LRGUK: variants seen among roughly 807,000 people sequenced by gnomAD.
The protein encoded by LRGUK is leucine-rich repeat and guanylate kinase domain-containing protein.
Under a neutral mutation model 76.0 loss-of-function variants are expected in LRGUK, and 65 were observed. The observed-to-expected ratio is 0.85, with a 90% CI of 0.70 to 1.05. LRGUK has a LOEUF of 1.05. Ranked by LOEUF, LRGUK falls within the 50% of genes least tolerant of loss-of-function variation. The pLI is 0.00. For synonymous variants in LRGUK, 268 were observed against 265.6 expected (o/e 1.01, Z -0.09); for missense variants, 758 against 732.8 (o/e 1.03, Z -0.40).
chr7:134,243,733 C>T (rs1310482539), intron 16 of LRGUK, among the ~76,000 whole-genome samples: 9 of 151,270 alleles, frequency 5.9e-5, no homozygotes, highest in East Asian at 3.9e-4. Flanking sequence ...AAAAAGAGCC[C>T]GCATTGCCAA....
rs141265624 is a variant in LRGUK, at chr7:134,209,390, C to T, written c.2527C>T (p.Gln843Ter). The change falls in exon 16 of 16, where the codon CAA (glutamine) becomes TAA (stop). Residue 843 changes from glutamine to a stop codon, truncating the protein, a stop_gained. Coordinates refer to ENST00000645682, the Ensembl canonical transcript of LRGUK. LOFTEE classifies it low-confidence loss of function (END_TRUNC). The stretch of plus-strand genomic sequence containing the variant: ...GCAGAAACTTGCTGGCGATTCTCAG[C>T]AAGCTCTGAAGGAGGAAACCTCCAA... The T allele has an allele frequency of 2.3e-3, 924 of 399,178 alleles. 3 individuals are homozygous for T. The highest frequency in any genetic ancestry group is 0.017 in the African/African-American group (834 of 48,748). 24.7% of individuals were successfully genotyped at this position (399,178 alleles called of 1,614,324 possible).
exon 14 of LRGUK, chr7:134,199,322 T>G: frequency 6.2e-7 from 1 of 1,613,904 alleles, no homozygotes; most frequent in Non-Finnish European, 8.5e-7. Flanking sequence ...AAAAGGATTA[T>G]TCAGTCGTGC....
At chr7:134,220,002 G>A (rs956350770) in intron 15 of LRGUK, among the ~76,000 whole-genome samples, 9 of 151,890 alleles carry the variant, frequency 5.9e-5, no homozygotes, top group Non-Finnish European at 1.3e-4. Context: ...TTATTTGTCC[G>A]ACTCCAATAT....
intron 16 of LRGUK, among the ~76,000 whole-genome samples, chr7:134,224,106 C>T (rs1316730391): frequency 1.3e-5 from 2 of 152,176 alleles, no homozygotes; most frequent in Non-Finnish European, 2.9e-5. Context: ...GGTATTCCAG[C>T]CTTCTTGGAT....
chr7:134,151,715 A>T (rs1257316437), intron 5 of LRGUK, among the ~76,000 whole-genome samples: 1 of 152,244 alleles, frequency 6.6e-6, no homozygotes, highest in East Asian at 1.9e-4. Flanking sequence ...TCAGGAATGT[A>T]TGGAGAGTTT....
downstream of LRGUK, among the ~76,000 whole-genome samples, chr7:134,265,662 C>T (rs1252078607): frequency 6.6e-6 from 1 of 152,138 alleles, no homozygotes; most frequent in African/African-American, 2.4e-5. Context: ...CCTCTTCTGG[C>T]TGTAACAAGG....
intron 1 of LRGUK, among the ~76,000 whole-genome samples, chr7:134,132,265 G>A (rs1430415191): frequency 1.3e-5 from 2 of 152,164 alleles, no homozygotes; most frequent in Non-Finnish European, 2.9e-5. Context: ...TGAGGCAAAA[G>A]GATCACTCGA....
At chr7:134,263,606 T>C (rs186358919) in intron 19 of LRGUK, among the ~76,000 whole-genome samples, 1 of 151,280 alleles carries the variant, frequency 6.6e-6, no homozygotes, top group African/African-American at 2.4e-5. Context: ...TTATTCTTCC[T>C]TGAATGTCAT....
intron 16 of LRGUK, among the ~76,000 whole-genome samples, chr7:134,243,452 T>C (rs547047652): frequency 6.6e-6 from 1 of 152,098 alleles, no homozygotes; most frequent in African/African-American, 2.4e-5. Flanking sequence ...CCATTCGCAA[T>C]TGCTTCAAAG....
intron 19 of LRGUK, 66 bp downstream of exon 19, chr7:134,258,471 A>C: frequency 6.9e-7 from 1 of 1,454,404 alleles, no homozygotes; most frequent in Non-Finnish European, 9.4e-7. Context: ...GCCGAGGCGA[A>C]TGGATCTCCT....
chr7:134,240,903 A>C lies in LRGUK; in HGVS notation c.1984-6653A>C, dbSNP rs374505820. 2.6e-5 allele frequency among the ~76,000 whole-genome samples: 4 copies of C among 152,222 alleles called. No homozygotes were observed. In the East Asian group the frequency reaches 7.7e-4, roughly 29 times the overall value. On this transcript the variant is annotated intron_variant, in intron 16 of 19. Transcript: ENST00000285928. Reference sequence around the variant, plus strand: ...AAGAGAGTGGGGGCCAATATTCAACATTCTTAAAGAAAAGAATTTTCAACC... The same window carrying C: ...AAGAGAGTGGGGGCCAATATTCAACCTTCTTAAAGAAAAGAATTTTCAACC...
At chr7:134,165,822 G>C (rs1798955302) in intron 7 of LRGUK, among the ~76,000 whole-genome samples, 1 of 152,126 alleles carries the variant, frequency 6.6e-6, no homozygotes, top group Non-Finnish European at 1.5e-5. Context: ...ATAGTATGTT[G>C]TTCTCTTCCA....
At chr7:134,178,933 A>AAAAAAAAAAAAAAAAAACC (rs1228638281) in intron 10 of LRGUK, among the ~76,000 whole-genome samples, 453 of 13,606 alleles carry the variant, frequency 0.033, 6 homozygotes, top group African/African-American at 0.11. Context: ...TCTCAAAAAA[A>AAAAAAAAAAAAAAAAAACC]AAAAAAAAAA....
chr7:134,249,433 G>A lies in LRGUK; in HGVS notation c.2198+357G>A, dbSNP rs1055780989. On this transcript the variant is annotated intron_variant, in intron 18 of 19. Transcript: ENST00000285928. ...AATGATGTTCTGCTAATCTCTTCCT[G>A]TACTGTGATTCGGCTGTGTTCTTGG... is the stretch of plus-strand genomic sequence containing the variant. Among the ~76,000 whole-genome samples, 5 of 152,164 alleles carry A rather than the reference G, an allele frequency of 3.3e-5. No homozygotes were observed. The East Asian group carries it at 9.6e-4, about 29-fold the overall frequency.
In LRGUK at chr7:134,220,196, G is replaced by A. The variant is rs541928460; in HGVS notation, c.1844-1583G>A. Among the ~76,000 whole-genome samples, 27 of 152,278 alleles carry A rather than the reference G, an allele frequency of 1.8e-4. No homozygotes were observed. In the South Asian group the frequency reaches 5.4e-3, roughly 30 times the overall value. ...TTTTGTCACTTTGTGATTAAACACA[G>A]TTTCTTTAATATTCCTTTCTATATT... On this transcript the variant is annotated intron_variant, in intron 15 of 19. Transcript: ENST00000285928.
At chr7:134,262,416 C>A (rs1449350649) in intron 19 of LRGUK, among the ~76,000 whole-genome samples, 5 of 152,214 alleles carry the variant, frequency 3.3e-5, no homozygotes, top group Admixed American at 3.3e-4. Context: ...GTTTGTAAAC[C>A]TTTATTCCTA....
In LRGUK at chr7:134,197,017, A is replaced by T. The variant is rs201225836; in HGVS notation, c.1457A>T (p.Tyr486Phe). 27 of 1,603,056 alleles carry T rather than the reference A, an allele frequency of 1.7e-5. No individual in the cohort carries two copies. In the East Asian group the frequency reaches 2.0e-4, roughly 12 times the overall value. ...GGGAAATTCATTCTAACATTTAGTT[A>T]TGGTAATCACAAGTATGGATTAAAT... Residue 486 changes from tyrosine to phenylalanine, a missense_variant, in exon 13 of 16, where the codon TAT becomes TTT. By Grantham distance (22) the Tyr-to-Phe change is conservative. Coordinates refer to ENST00000645682, the Ensembl canonical transcript of LRGUK.
intron 4 of LRGUK, 91 bp downstream of exon 4, chr7:134,143,253 A>C (rs1797842297): frequency 1.3e-6 from 1 of 765,340 alleles, no homozygotes; most frequent in African/African-American, 1.7e-5. Flanking sequence ...GAATTCAGAG[A>C]GAATAAGATA....
rs777957450 is a variant in LRGUK at position 134,127,654 on chromosome 7, T to G, written c.287T>G (p.Leu96Arg). ...GAGGAGTCCTCAGAGTCCGAAATGC[T>G]GAATTTGGAGGTGTGTCTTCCCCCC... Residue 96 changes from leucine to arginine, a missense_variant, in exon 1 of 16, where the codon CTG (leucine) becomes CGG (arginine). Coordinates refer to ENST00000645682, the Ensembl canonical transcript of LRGUK. 4 of 1,612,944 alleles carry G rather than the reference T, an allele frequency of 2.5e-6. No individual in the cohort carries two copies. The South Asian group carries it at 4.4e-5, about 18-fold the overall frequency.
Sources: allele counts gnomAD v4.1 joint callset (sites outside exome capture counted in the v4.1 genomes callset), GRCh38; gene constraint gnomAD v4.1.1; transcripts MANE v1.5; gene names NCBI Gene and HGNC (gene_info 2026-07-23, HGNC 2026-07-21).